The following LGSN variants were observed in gnomAD, a reference collection of about 807,000 sequenced individuals.
LGSN encodes lengsin, lens protein with glutamine synthetase domain, also known as lengsin.
In LGSN, 21 loss-of-function variants were observed where a neutral mutation model predicts 19.5. The observed-to-expected ratio is 1.07, with a 90% confidence interval of 0.76 to 1.55. LGSN has a LOEUF of 1.55. LGSN is among the 40% of genes most tolerant of loss of function. The pLI, the probability that LGSN is intolerant of heterozygous loss-of-function variation, is 0.00. For missense variants in LGSN, 673 were observed against 608.5 expected, an observed-to-expected ratio of 1.11 and a Z score of -1.12; for synonymous variants, 257 against 215.6, an observed-to-expected ratio of 1.19 and a Z score of -1.68.
At chr6:63,481,446 G>A in the LGSN span, among the ~76,000 whole-genome samples, 3 of 151,866 alleles carry the variant, frequency 2.0e-5, no homozygotes, top group South Asian at 4.2e-4. Flanking sequence ...AGGTTCAAGC[G>A]ATTCTCCCGC....
chr6:63,412,109 G>A, the LGSN span, among the ~76,000 whole-genome samples: 2 of 152,200 alleles, frequency 1.3e-5, no homozygotes, highest in African/African-American at 4.8e-5. Context: ...GCTTACGCCT[G>A]TAATCCCAGC....
chr6:63,450,193 CAA>C, the LGSN span, among the ~76,000 whole-genome samples: 14 of 94,772 alleles, frequency 1.5e-4, no homozygotes, highest in Non-Finnish European at 1.7e-4. Flanking sequence ...CTAAAAAATG[CAA>C]AAAAAAAAAA....
At chr6:63,357,748 G>A in the LGSN span, among the ~76,000 whole-genome samples, 1 of 152,160 alleles carries the variant, frequency 6.6e-6, no homozygotes, top group African/African-American at 2.4e-5. Context: ...TGTCAGATAA[G>A]TAGGTTGCGA....
chr6:63,438,736 AAC>A, the LGSN span, among the ~76,000 whole-genome samples: 1 of 152,210 alleles, frequency 6.6e-6, no homozygotes, highest in Non-Finnish European at 1.5e-5. Context: ...GAGAAATAGG[AAC>A]ACTTTACACT....
chr6:63,511,941 C>A, the LGSN span, among the ~76,000 whole-genome samples: 1 of 152,128 alleles, frequency 6.6e-6, no homozygotes, highest in African/African-American at 2.4e-5. Flanking sequence ...CCCTAGCAAG[C>A]AGATGCAGAT....
At chr6:63,410,265 A>G in the LGSN span, among the ~76,000 whole-genome samples, 1 of 152,166 alleles carries the variant, frequency 6.6e-6, no homozygotes, top group Non-Finnish European at 1.5e-5. Context: ...CCTATTATCT[A>G]TAATTGGTCC....
intron 1 of LGSN, among the ~76,000 whole-genome samples, chr6:63,319,173 G>T (rs1438501905): frequency 1.3e-5 from 2 of 152,178 alleles, no homozygotes; most frequent in Admixed American, 6.6e-5. Flanking sequence ...ACATGCAAAA[G>T]TGGGGACCAG....
chr6:63,438,089 G>A, the LGSN span, among the ~76,000 whole-genome samples: 40 of 152,104 alleles, frequency 2.6e-4, no homozygotes, highest in African/African-American at 8.7e-4. Flanking sequence ...TTTCTTACAC[G>A]GTATGAGTAT....
chr6:63,363,873 G>A, the LGSN span, among the ~76,000 whole-genome samples: 13 of 151,976 alleles, frequency 8.6e-5, no homozygotes, highest in Admixed American at 8.5e-4. Context: ...TCCTCCAGAA[G>A]AGCAACTCCA....
chr6:63,311,689 C>A (rs1369408868), intron 1 of LGSN, among the ~76,000 whole-genome samples: 2 of 152,164 alleles, frequency 1.3e-5, no homozygotes, highest in Admixed American at 1.3e-4. Flanking sequence ...TCAGACATGT[C>A]ATAACAAATT....
the LGSN span, among the ~76,000 whole-genome samples, chr6:63,384,184 A>G: frequency 6.6e-6 from 1 of 152,068 alleles, no homozygotes; most frequent in Admixed American, 6.6e-5. Flanking sequence ...AAGGGCCCTG[A>G]TTTCATTTGA....
the LGSN span, among the ~76,000 whole-genome samples, chr6:63,512,670 G>T: frequency 2.0e-5 from 3 of 152,132 alleles, no homozygotes; most frequent in South Asian, 4.1e-4. Flanking sequence ...CTGCAGAGGG[G>T]TCTATCTTCC....
chr6:63,527,435 A>G, the LGSN span, among the ~76,000 whole-genome samples: 1 of 152,146 alleles, frequency 6.6e-6, no homozygotes, highest in African/African-American at 2.4e-5. Context: ...CTACTATTTG[A>G]TGGGTCTTTC....
the LGSN span, among the ~76,000 whole-genome samples, chr6:63,403,895 A>G: frequency 6.6e-6 from 1 of 152,130 alleles, no homozygotes; most frequent in African/African-American, 2.4e-5. Context: ...GCAATGAGAT[A>G]CACGTGTTTA....
At chr6:63,533,822 A>G in the LGSN span, among the ~76,000 whole-genome samples, 8 of 143,102 alleles carry the variant, frequency 5.6e-5, no homozygotes, top group Non-Finnish European at 9.1e-5. Context: ...CAAATTCCTG[A>G]ACAAACTTTT....
the LGSN span, among the ~76,000 whole-genome samples, chr6:63,552,435 C>T: frequency 6.6e-6 from 1 of 152,060 alleles, no homozygotes; most frequent in African/African-American, 2.4e-5. Flanking sequence ...TAGATATTAG[C>T]CCTTTGTCAG....
chr6:63,320,525 G>C (rs78786802), upstream of LGSN, among the ~76,000 whole-genome samples: 1 of 151,932 alleles, frequency 6.6e-6, no homozygotes, highest in East Asian at 1.9e-4. Context: ...CCAATTCTCC[G>C]ATGTCAGTCT....
the LGSN span, among the ~76,000 whole-genome samples, chr6:63,501,115 T>C: frequency 6.6e-6 from 1 of 152,166 alleles, no homozygotes; most frequent in East Asian, 1.9e-4. Flanking sequence ...CTCATGCCTA[T>C]AGTCCCAGCA....
chr6:63,427,070 CAG>C, the LGSN span, among the ~76,000 whole-genome samples: 2 of 143,728 alleles, frequency 1.4e-5, no homozygotes, highest in Non-Finnish European at 3.0e-5. Flanking sequence ...TCTCCTGAGA[CAG>C]AGTTTCTGTT....
Sources: gnomAD v4.1 joint callset for allele counts (sites outside exome capture counted in the v4.1 genomes callset) on GRCh38, gnomAD v4.1.1 for gene constraint, MANE v1.5 for transcripts, NCBI Gene and HGNC (gene_info 2026-07-23, HGNC 2026-07-21) for gene names.